The following NR3C2 variants were observed in gnomAD, a reference collection of about 807,000 sequenced individuals.
NR3C2 encodes the protein nuclear receptor subfamily 3 group C member 2, also known as mineralocorticoid receptor.
A neutral mutation model predicts 86.4 loss-of-function variants in NR3C2; 15 were observed. The ratio of observed to expected loss-of-function variants is 0.17; its 90% CI spans 0.12 to 0.27. NR3C2 has a LOEUF of 0.27. Among genes scored for constraint, NR3C2 ranks in the 10% least tolerant of loss-of-function variants. The pLI is 1.00. For missense variants in NR3C2, 960 were observed against 1,195.6 expected (o/e 0.80, Z 2.91); for synonymous variants, 458 against 450.5 (o/e 1.02, Z -0.21).
intron 6 of NR3C2, among the ~76,000 whole-genome samples, chr4:148,145,975 G>A (rs1733850500): frequency 6.6e-6 from 1 of 152,102 alleles, no homozygotes; most frequent in Non-Finnish European, 1.5e-5. Context: ...AAGGAGCAGG[G>A]AGAAGTGAGA....
At chr4:148,234,223 C>T (rs1028606939) in intron 3 of NR3C2, among the ~76,000 whole-genome samples, 6 of 152,192 alleles carry the variant, frequency 3.9e-5, no homozygotes, top group African/African-American at 9.7e-5. Flanking sequence ...TGTTCAGTTT[C>T]TCTATGCTAG....
rs529190920 is a variant in NR3C2, at chr4:148,263,466, AG to A, written c.1758-3350del. 5.3e-5 allele frequency among the ~76,000 whole-genome samples: 8 copies of A among 152,244 alleles called. No homozygotes were observed. In the East Asian group the frequency reaches 1.5e-3, roughly 29 times the overall value. ...TGGTTCAGGCCCTTGTTACTTCCCA[AG>A]GGTTCTTCCATAACTCTAGCTTTTC... On this transcript the variant is annotated intron_variant, in intron 2 of 8. Coordinates refer to ENST00000358102, the MANE Select transcript of NR3C2 (RefSeq NM_000901.5).
intron 2 of NR3C2, among the ~76,000 whole-genome samples, chr4:148,357,571 C>T (rs7683540): frequency 0.033 from 4,990 of 152,224 alleles, 268 homozygotes; most frequent in African/African-American, 0.11. Flanking sequence ...AAATATAATA[C>T]ATTTCTGTGA....
chr4:148,212,580 C>T (rs1009249228), intron 3 of NR3C2, among the ~76,000 whole-genome samples: 2 of 152,094 alleles, frequency 1.3e-5, no homozygotes, highest in African/African-American at 2.4e-5. Context: ...AAACCTTGTC[C>T]CAGAGGGGTC....
chr4:148,199,080 CAAAA>C (rs60075012), intron 3 of NR3C2, among the ~76,000 whole-genome samples: 2 of 37,494 alleles, frequency 5.3e-5, no homozygotes, highest in African/African-American at 9.8e-5. Flanking sequence ...GACTCCATCT[CAAAA>C]AAAAAAAAAA....
chr4:148,105,805 A>G (rs1731769908), intron 8 of NR3C2, among the ~76,000 whole-genome samples: 1 of 152,254 alleles, frequency 6.6e-6, no homozygotes, highest in Admixed American at 6.5e-5. Flanking sequence ...GATGCAGAAA[A>G]GGCCTTCGAT....
At chr4:148,320,765 T>C (rs1743532558) in intron 2 of NR3C2, among the ~76,000 whole-genome samples, 1 of 151,842 alleles carries the variant, frequency 6.6e-6, no homozygotes, top group African/African-American at 2.4e-5. Flanking sequence ...GATTCTTCTC[T>C]CTTTTTTTCT....
intron 2 of NR3C2, among the ~76,000 whole-genome samples, chr4:148,276,876 G>A (rs1404663165): frequency 6.6e-6 from 1 of 152,142 alleles, no homozygotes; most frequent in Non-Finnish European, 1.5e-5. Flanking sequence ...ATAACCTAGG[G>A]ATAAATGTCT....
rs558277702 is a variant in NR3C2, at chr4:148,424,448, C to CA, written c.1757+10655dup. Among the ~76,000 whole-genome samples the CA allele has an allele frequency of 6.2e-4, 94 of 151,668 alleles. 2 individuals carry two copies. The South Asian group carries it at 0.014, about 23-fold the overall frequency. On this transcript the variant is annotated intron_variant, in intron 2 of 8. Transcript: ENST00000358102. ...ATTCCACTCCTAGGTTTTTACTGAA[C>CA]AAAAAAAACCATATGTCTATGCAGA...
At chr4:148,388,011 C>T (rs1747354962) in intron 2 of NR3C2, among the ~76,000 whole-genome samples, 1 of 152,170 alleles carries the variant, frequency 6.6e-6, no homozygotes, top group African/African-American at 2.4e-5. Context: ...TCTAATAAGT[C>T]AGTTTGTTTA....
At chr4:148,325,543 A>G (rs922650165) in intron 2 of NR3C2, among the ~76,000 whole-genome samples, 1 of 152,212 alleles carries the variant, frequency 6.6e-6, no homozygotes, top group Non-Finnish European at 1.5e-5. Context: ...ACACTGCTTG[A>G]AATCTTAGTA....
At chr4:148,420,242 T>C (rs1397497668) in intron 2 of NR3C2, among the ~76,000 whole-genome samples, 1 of 152,160 alleles carries the variant, frequency 6.6e-6, no homozygotes, top group Non-Finnish European at 1.5e-5. Flanking sequence ...AAAGCCCTAG[T>C]AGATGCAGAC....
chr4:148,181,986 C>T (rs142712238), intron 4 of NR3C2, among the ~76,000 whole-genome samples: 31 of 152,288 alleles, frequency 2.0e-4, no homozygotes, highest in Middle Eastern at 6.8e-3. Context: ...ATGATTAGGA[C>T]TACATGCTAA....
At chr4:148,397,899 A>G (rs1430095974) in intron 2 of NR3C2, among the ~76,000 whole-genome samples, 1 of 152,196 alleles carries the variant, frequency 6.6e-6, no homozygotes, top group East Asian at 1.9e-4. Context: ...ATTTATTCTC[A>G]CACAGTTCTG....
chr4:148,196,019 G>A (rs1736424964), intron 3 of NR3C2, among the ~76,000 whole-genome samples: 1 of 152,154 alleles, frequency 6.6e-6, no homozygotes, highest in Admixed American at 6.5e-5. Context: ...GAAACTGACT[G>A]CAGTGGACTA....
chr4:148,304,955 T>C (rs1470823239), intron 2 of NR3C2, among the ~76,000 whole-genome samples: 1 of 151,154 alleles, frequency 6.6e-6, no homozygotes, highest in African/African-American at 2.4e-5. Context: ...CACCTTTCAA[T>C]GTGTCCACAT....
chr4:148,314,986 T>C (rs1300138636), intron 2 of NR3C2, among the ~76,000 whole-genome samples: 2 of 152,152 alleles, frequency 1.3e-5, no homozygotes, highest in Admixed American at 1.3e-4. Context: ...ATTTTTAAAG[T>C]CAAACACTCT....
At chr4:148,128,587 A>G (rs997261966) in intron 6 of NR3C2, among the ~76,000 whole-genome samples, 3 of 152,118 alleles carry the variant, frequency 2.0e-5, no homozygotes, top group African/African-American at 4.8e-5. Flanking sequence ...TCCATCTTCC[A>G]CTGTCTAAAT....
intron 5 of NR3C2, 124 bp downstream of exon 5, chr4:148,154,427 T>A: frequency 1.1e-6 from 1 of 898,060 alleles, no homozygotes; most frequent in South Asian, 1.3e-5. Context: ...GTTATCAATT[T>A]AAAAAATCTG....
Sources: gnomAD v4.1 joint callset for allele counts (sites outside exome capture counted in the v4.1 genomes callset) on GRCh38, gnomAD v4.1.1 for gene constraint, MANE v1.5 for transcripts, NCBI Gene and HGNC (gene_info 2026-07-23, HGNC 2026-07-21) for gene names.